Variants in RFX3 observed in about 807,000 individuals in gnomAD.
RFX3 encodes transcription factor RFX3.
In RFX3, 14 loss-of-function variants were observed where a neutral mutation model predicts 98.6. That is an observed-to-expected ratio of 0.14 (90% confidence interval 0.09 to 0.22). The LOEUF (loss-of-function observed/expected upper bound fraction) is 0.22, where lower values mean the gene tolerates loss of function less well. RFX3 is among the 10% of genes least tolerant of loss of function. The pLI is 1.00. For synonymous variants in RFX3, 383 were observed against 328.4 expected (o/e 1.17, Z -1.80); for missense variants, 639 against 926.9 (o/e 0.69, Z 4.03).
At chr9:3,382,655 T>G (rs1839315664) in intron 2 of RFX3, among the ~76,000 whole-genome samples, 1 of 152,176 alleles carries the variant, frequency 6.6e-6, no homozygotes, top group Admixed American at 6.5e-5. Context: ...TACCACCAAT[T>G]CCTTATACAC....
At position 3,395,354 on chromosome 9, in the gene RFX3, C is replaced by G. The variant is rs564967758; in HGVS notation, c.117+118G>C. 7 of 1,152,814 alleles carry G rather than the reference C, an allele frequency of 6.1e-6. No individual in the cohort carries two copies. The African/African-American group carries it at 1.1e-4, about 18-fold the overall frequency. 71.4% of individuals were successfully genotyped at this position (1,152,814 alleles called of 1,614,324 possible). ...AACATTTGCTGAATGAACCTAAAAA[C>G]TGAAGTATGCCTATCATAGCAAGAC... On this transcript the variant is annotated intron_variant, in intron 2 of 16. Transcript: ENST00000617270.
intron 2 of RFX3, among the ~76,000 whole-genome samples, chr9:3,393,042 A>G (rs1488205996): frequency 7.7e-4 from 2 of 2,608 alleles, no homozygotes; most frequent in African/African-American, 4.0e-3. Context: ...CATAAGGGAC[A>G]GGAAGGGTGG....
intron 6 of RFX3, among the ~76,000 whole-genome samples, chr9:3,291,036 T>C (rs965014274): frequency 3.3e-5 from 5 of 152,168 alleles, no homozygotes; most frequent in Non-Finnish European, 7.3e-5. Flanking sequence ...GTTCTTATTT[T>C]TGAAGACACA....
At chr9:3,310,036 A>G (rs1829780844) in intron 4 of RFX3, among the ~76,000 whole-genome samples, 1 of 152,180 alleles carries the variant, frequency 6.6e-6, no homozygotes, top group South Asian at 2.1e-4. Flanking sequence ...GTGATCCTGA[A>G]CAGTGCTTTC....
At chr9:3,272,571 T>C (rs1423374178) in intron 9 of RFX3, among the ~76,000 whole-genome samples, 1 of 152,228 alleles carries the variant, frequency 6.6e-6, no homozygotes, top group African/African-American at 2.4e-5. Flanking sequence ...AAAGGGCATG[T>C]AGATGTCCCT....
chr9:3,512,541 C>G (rs1817755296), intron 1 of RFX3, among the ~76,000 whole-genome samples: 1 of 151,734 alleles, frequency 6.6e-6, no homozygotes, highest in African/African-American at 2.4e-5. Flanking sequence ...TAATATATTA[C>G]CTTGTAATAA....
intron 1 of RFX3, among the ~76,000 whole-genome samples, chr9:3,448,183 T>C (rs1186916999): frequency 2.0e-5 from 3 of 152,156 alleles, no homozygotes; most frequent in Non-Finnish European, 4.4e-5. Flanking sequence ...AATTACATTC[T>C]TACAATTCAC....
chr9:3,256,163 G>A (rs1388271448), intron 14 of RFX3, among the ~76,000 whole-genome samples: 2 of 151,976 alleles, frequency 1.3e-5, no homozygotes, highest in African/African-American at 4.8e-5. Flanking sequence ...GTAGAGACGG[G>A]GTTTTACCGT....
At chr9:3,301,440 T>A in intron 5 of RFX3, 106 bp downstream of exon 5, 1 of 756,672 alleles carries the variant, frequency 1.3e-6, no homozygotes, top group Non-Finnish European at 2.2e-6. Flanking sequence ...GAAGGGAAGG[T>A]TAAGAAGCAA....
chr9:3,277,308 T>C (rs920462559), intron 8 of RFX3, 32 bp downstream of exon 8: 3 of 1,603,812 alleles, frequency 1.9e-6, no homozygotes, highest in Admixed American at 3.4e-5. Flanking sequence ...AAAATCCTAG[T>C]AGCAACTAAT....
chr9:3,393,069 G>T (rs1840480090), intron 2 of RFX3, among the ~76,000 whole-genome samples: 2 of 139,068 alleles, frequency 1.4e-5, no homozygotes, highest in African/African-American at 5.3e-5. Flanking sequence ...GGGTGGGTGG[G>T]CCAGGGTGTG....
At chr9:3,390,947 A>G (rs1043346105) in intron 2 of RFX3, among the ~76,000 whole-genome samples, 6 of 152,148 alleles carry the variant, frequency 3.9e-5, no homozygotes, top group Non-Finnish European at 5.9e-5. Context: ...AAAAACCGCA[A>G]TTACTTTTGC....
chr9:3,420,834 A>G (rs1843379159), intron 1 of RFX3: 1 of 985,338 alleles, frequency 1.0e-6, no homozygotes, highest in Non-Finnish European at 1.2e-6. Flanking sequence ...AAGATGTCAG[A>G]AAGCATTCTG....
chr9:3,408,616 A>T (rs34774267), intron 1 of RFX3, among the ~76,000 whole-genome samples: 12,372 of 148,054 alleles, frequency 0.084, 553 homozygotes, highest in African/African-American at 0.13. Context: ...TCTCTCTCAC[A>T]CACACACACA....
At chr9:3,275,926 G>C (rs1825151361) in intron 8 of RFX3, among the ~76,000 whole-genome samples, 1 of 151,956 alleles carries the variant, frequency 6.6e-6, no homozygotes, top group Admixed American at 6.6e-5. Context: ...AATATCTCGA[G>C]CTTGCTAGTA....
rs78751087 is a variant in RFX3 at position 3,525,770 on chromosome 9, T to G, written c.-32A>C. ...ACCTTGGCTGTGGATTATTGTGGTG[T>G]TGTTGGTGGGTGATGGAGATGGTGG... On this transcript the variant is annotated 5_prime_UTR_variant, in exon 1 of 17. Coordinates refer to ENST00000617270, the MANE Select transcript of RFX3 (RefSeq NM_001282116.2). 706 of 386,792 alleles carry G rather than the reference T, an allele frequency of 1.8e-3. 6 individuals are homozygous for G. Among genetic ancestry groups the G allele is most frequent in the African/African-American group, 0.013 (583 of 45,486 alleles). 24.0% of individuals were successfully genotyped at this position (386,792 alleles called of 1,614,324 possible).
rs547096020 is a variant in RFX3, at chr9:3,346,149, G to C, written c.215+518C>G. ...TTTACAAATTTATATTATTGTTGAT[G>C]CAAAAGAGATAAGCTGGTTTCGGGC... On this transcript the variant is annotated intron_variant, in intron 3 of 16. Coordinates refer to ENST00000617270, the MANE Select transcript of RFX3 (RefSeq NM_001282116.2). Among the ~76,000 whole-genome samples the C allele has an allele frequency of 6.2e-4, 94 of 152,272 alleles. 1 individual carries two copies. The highest frequency in any genetic ancestry group is 3.0e-3 in the Admixed American group (46 of 15,284).
intron 1 of RFX3, among the ~76,000 whole-genome samples, chr9:3,396,146 G>A (rs1253990632): frequency 1.3e-5 from 2 of 151,410 alleles, no homozygotes; most frequent in South Asian, 2.1e-4. Context: ...CCATTAACTC[G>A]TCATTTAACA....
intron 1 of RFX3, among the ~76,000 whole-genome samples, chr9:3,502,768 G>C (rs1238743244): frequency 1.3e-5 from 2 of 152,058 alleles, no homozygotes; most frequent in African/African-American, 2.4e-5. Context: ...CAATGGACTG[G>C]CAATGTGAAT....
Sources: allele counts gnomAD v4.1 joint callset (sites outside exome capture counted in the v4.1 genomes callset), GRCh38; gene constraint gnomAD v4.1.1; transcripts MANE v1.5; gene names NCBI Gene and HGNC (gene_info 2026-07-23, HGNC 2026-07-21).